Variants in TIAM1 observed in about 807,000 individuals in gnomAD.
The protein encoded by TIAM1 is rho guanine nucleotide exchange factor TIAM1.
A neutral mutation model predicts 163.5 loss-of-function variants in TIAM1; 65 were observed. That is an observed-to-expected ratio of 0.40 (90% CI 0.33 to 0.49). The LOEUF is 0.49. Ranked by LOEUF, TIAM1 falls within the 20% of genes least tolerant of loss-of-function variation. The probability of loss-of-function intolerance (pLI) is 0.77; values close to 1 mark genes in which losing one functional copy is unlikely to be tolerated. For synonymous variants in TIAM1, 833 were observed against 810.1 expected (o/e 1.03, Z -0.48); for missense variants, 1,789 against 2,044.7 (o/e 0.87, Z 2.41).
At chr21:31,470,269 T>C (rs2045693610) in intron 1 of TIAM1, among the ~76,000 whole-genome samples, 1 of 152,012 alleles carries the variant, frequency 6.6e-6, no homozygotes, top group Non-Finnish European at 1.5e-5. Context: ...CCTCCCATAG[T>C]GCTGGGATTA....
chr21:31,203,114 TTTGTTG>T (rs370954256), intron 11 of TIAM1, 102 bp from the exon 12 acceptor site: 10 of 967,204 alleles, frequency 1.0e-5, no homozygotes, highest in South Asian at 3.1e-5. Flanking sequence ...ACCAATAGAG[TTTGTTG>T]TTGTTGTTGT....
intron 2 of TIAM1, among the ~76,000 whole-genome samples, chr21:31,325,286 CAAA>C (rs5843509): frequency 5.9e-5 from 8 of 135,058 alleles, no homozygotes; most frequent in African/African-American, 8.2e-5. Flanking sequence ...GGCCCTGTCT[CAAA>C]AAAAAAAAAA....
chr21:31,336,568 A>G (rs2075848432), intron 2 of TIAM1, among the ~76,000 whole-genome samples: 1 of 149,372 alleles, frequency 6.7e-6, no homozygotes, highest in Non-Finnish European at 1.5e-5. Flanking sequence ...AGCAACGTTG[A>G]CATTTCTTTG....
At chr21:31,340,332 A>G (rs1359346578) in intron 1 of TIAM1, among the ~76,000 whole-genome samples, 1 of 152,028 alleles carries the variant, frequency 6.6e-6, no homozygotes, top group Non-Finnish European at 1.5e-5. Context: ...GTCGGGGAAT[A>G]TTAACCAGCC....
At chr21:31,361,975 C>T (rs188385179) in intron 2 of TIAM1, among the ~76,000 whole-genome samples, 231 of 152,118 alleles carry the variant, frequency 1.5e-3, no homozygotes, top group African/African-American at 5.2e-3. Context: ...TATGTGCATG[C>T]AAGTATACAT....
intron 22 of TIAM1, among the ~76,000 whole-genome samples, chr21:31,136,680 C>T (rs1173889357): frequency 6.6e-6 from 1 of 152,140 alleles, no homozygotes; most frequent in African/African-American, 2.4e-5. Context: ...CTGAAATTCA[C>T]ATGCAGTTAG....
At chr21:31,427,491 A>AAAAAAAAAAAT (rs1489781748) in intron 2 of TIAM1, among the ~76,000 whole-genome samples, 109 of 151,898 alleles carry the variant, frequency 7.2e-4, no homozygotes, top group Non-Finnish European at 1.3e-3. Context: ...TGTCTCAAAA[A>AAAAAAAAAAAT]AATAATAATA....
chr21:31,213,355 A>G, intron 10 of TIAM1, 43 bp downstream of exon 10: 1 of 1,553,782 alleles, frequency 6.4e-7, no homozygotes, highest in Non-Finnish European at 8.8e-7. Context: ...ATGTTGATGC[A>G]CTTGTGGTAC....
chr21:31,145,582 T>G (rs2083070908), intron 20 of TIAM1, among the ~76,000 whole-genome samples: 1 of 152,228 alleles, frequency 6.6e-6, no homozygotes, highest in Non-Finnish European at 1.5e-5. Flanking sequence ...ACTCTCAGAA[T>G]GTTCCACCGT....
intron 2 of TIAM1, among the ~76,000 whole-genome samples, chr21:31,280,840 C>A (rs1240705124): frequency 1.3e-5 from 2 of 151,808 alleles, no homozygotes; most frequent in African/African-American, 4.8e-5. Context: ...AGGGGACAGA[C>A]ACAGTGGCTC....
intron 2 of TIAM1, among the ~76,000 whole-genome samples, chr21:31,309,265 G>A (rs1005899364): frequency 8.5e-5 from 13 of 152,118 alleles, no homozygotes; most frequent in African/African-American, 2.7e-4. Context: ...CAAGACCAGC[G>A]TGGCCAACAT....
chr21:31,488,624 T>C (rs1277086277), intron 1 of TIAM1, among the ~76,000 whole-genome samples: 1 of 152,184 alleles, frequency 6.6e-6, no homozygotes, highest in African/African-American at 2.4e-5. Flanking sequence ...TCTTACATGG[T>C]GACGGGCAAA....
At chr21:31,558,523 C>G (rs2048974384) in intron 1 of TIAM1, among the ~76,000 whole-genome samples, 1 of 152,128 alleles carries the variant, frequency 6.6e-6, no homozygotes, top group African/African-American at 2.4e-5. Flanking sequence ...CACGCCCTCC[C>G]CGAAGTTGAC....
At chr21:31,214,276 G>A (rs768754045) in intron 9 of TIAM1, among the ~76,000 whole-genome samples, 3 of 151,760 alleles carry the variant, frequency 2.0e-5, no homozygotes, top group Non-Finnish European at 4.4e-5. Flanking sequence ...AGCGAGCTGA[G>A]ACCACACTAC....
At chr21:31,239,391 A>C (rs747907948) in intron 6 of TIAM1, among the ~76,000 whole-genome samples, 1 of 152,148 alleles carries the variant, frequency 6.6e-6, no homozygotes, top group African/African-American at 2.4e-5. Context: ...TGGCCCCCCA[A>C]AGTGCTGAGA....
rs1409808515 is a variant in TIAM1, at chr21:31,266,682, G to A, written c.291C>T (p.Gly97=). 2 of 1,614,210 alleles carry A rather than the reference G, an allele frequency of 1.2e-6. No homozygotes were observed. Reference sequence around the variant, plus strand: ...AGTCAGTGTAAGACACAGGTCTCAAGCCCATGTCCACTCGGTCCACCCAGA... The same window carrying A: ...AGTCAGTGTAAGACACAGGTCTCAAACCCATGTCCACTCGGTCCACCCAGA... The part of the protein sequence containing the change: ...SPIWVDRVDM[G]LRPVSYTDSS... Residue 97 remains glycine, a synonymous_variant, in exon 4 of 28, where the codon GGC becomes GGT. Coordinates refer to ENST00000541036, the MANE Select transcript of TIAM1 (RefSeq NM_001353694.2).
intron 8 of TIAM1, among the ~76,000 whole-genome samples, chr21:31,218,622 T>C (rs1271043691): frequency 6.6e-6 from 1 of 151,986 alleles, no homozygotes; most frequent in African/African-American, 2.4e-5. Flanking sequence ...ATGCAGCCAC[T>C]GAGTCCAAGA....
chr21:31,185,596 T>C (rs538990666), intron 14 of TIAM1, among the ~76,000 whole-genome samples: 1 of 144,054 alleles, frequency 6.9e-6, no homozygotes. Flanking sequence ...ATATTATATA[T>C]CATATAGCTA....
intron 2 of TIAM1, among the ~76,000 whole-genome samples, chr21:31,286,882 C>T (rs569849929): frequency 6.6e-6 from 1 of 152,154 alleles, no homozygotes; most frequent in South Asian, 2.1e-4. Flanking sequence ...GCCTTGAGTC[C>T]CAAGTCACTC....
Sources: allele counts gnomAD v4.1 joint callset (sites outside exome capture counted in the v4.1 genomes callset), GRCh38; gene constraint gnomAD v4.1.1; transcripts MANE v1.5; gene names NCBI Gene and HGNC (gene_info 2026-07-23, HGNC 2026-07-21).